The following CCSER1 variants were observed in gnomAD, a reference collection of about 807,000 sequenced individuals.
CCSER1 encodes the protein coiled-coil serine rich protein 1, also known as serine-rich coiled-coil domain-containing protein 1.
A neutral mutation model predicts 82.0 loss-of-function variants in CCSER1; 41 were observed. The ratio of observed to expected loss-of-function variants is 0.50; its 90% CI spans 0.39 to 0.65. CCSER1 has a LOEUF of 0.65. Ranked by LOEUF, CCSER1 falls within the 30% of genes least tolerant of loss-of-function variation. The probability of loss-of-function intolerance (pLI) is 0.00; values close to 1 mark genes in which losing one functional copy is unlikely to be tolerated. For synonymous variants in CCSER1, 414 were observed against 383.9 expected (o/e 1.08, Z -0.92); for missense variants, 1,119 against 1,064.2 (o/e 1.05, Z -0.72).
intron 10 of CCSER1, among the ~76,000 whole-genome samples, chr4:91,393,566 GT>G (rs1284750431): frequency 6.6e-6 from 1 of 151,986 alleles, no homozygotes; most frequent in African/African-American, 2.4e-5. Flanking sequence ...ATGGATATTC[GT>G]TGTCAATCTT....
intron 10 of CCSER1, among the ~76,000 whole-genome samples, chr4:91,271,012 T>G (rs1184058361): frequency 6.6e-6 from 1 of 152,226 alleles, no homozygotes; most frequent in Non-Finnish European, 1.5e-5. Flanking sequence ...GAACACTAAC[T>G]TATTCTTAAA....
intron 10 of CCSER1, among the ~76,000 whole-genome samples, chr4:91,585,656 T>A (rs1578858014): frequency 6.6e-6 from 1 of 151,542 alleles, no homozygotes; most frequent in East Asian, 1.9e-4. Context: ...GAGTTACCTG[T>A]CAGGTAAAAA....
rs180731172 is a variant in CCSER1, at chr4:90,626,488, A to G, written c.1725-1537A>G. 1.5e-4 allele frequency among the ~76,000 whole-genome samples: 23 copies of G among 152,338 alleles called. No homozygotes were observed. The East Asian group carries it at 3.7e-3, about 24-fold the overall frequency. ...GTATAGTTCGTTGCAATTAGACATAATATAATTAAATTGAATCAATCGTAT... is the reference window on the plus strand; with the variant it reads ...GTATAGTTCGTTGCAATTAGACATAGTATAATTAAATTGAATCAATCGTAT... On this transcript the variant is annotated intron_variant, in intron 5 of 10. Coordinates refer to ENST00000509176, the MANE Select transcript of CCSER1 (RefSeq NM_001145065.2).
intron 6 of CCSER1, among the ~76,000 whole-genome samples, chr4:90,657,349 T>A (rs1193730750): frequency 6.6e-6 from 1 of 152,168 alleles, no homozygotes; most frequent in African/African-American, 2.4e-5. Context: ...CCTTTTTCTT[T>A]GGCTTTTTGT....
chr4:91,472,597 A>G (rs909405189), intron 10 of CCSER1, among the ~76,000 whole-genome samples: 2 of 152,108 alleles, frequency 1.3e-5, no homozygotes, highest in African/African-American at 4.8e-5. Flanking sequence ...CTGGGTGAAA[A>G]TCTTTCTCTA....
intron 6 of CCSER1, among the ~76,000 whole-genome samples, chr4:90,686,470 T>G (rs2149206951): frequency 6.6e-6 from 1 of 152,072 alleles, no homozygotes; most frequent in South Asian, 2.1e-4. Context: ...TCTGCTTGCT[T>G]TATCTATGGC....
At chr4:91,420,276 A>C (rs1169116050) in intron 10 of CCSER1, among the ~76,000 whole-genome samples, 1 of 152,088 alleles carries the variant, frequency 6.6e-6, no homozygotes, top group Non-Finnish European at 1.5e-5. Context: ...ACAGGAGAAA[A>C]TATCTGCAAA....
intron 10 of CCSER1, among the ~76,000 whole-genome samples, chr4:91,111,472 A>G (rs1207414021): frequency 6.6e-6 from 1 of 152,064 alleles, no homozygotes; most frequent in Non-Finnish European, 1.5e-5. Flanking sequence ...TATGAGGACC[A>G]AGAAACTGTG....
At chr4:90,208,485 T>C (rs1373256914) in intron 1 of CCSER1, among the ~76,000 whole-genome samples, 1 of 151,550 alleles carries the variant, frequency 6.6e-6, no homozygotes, top group East Asian at 2.0e-4. Context: ...GCTCCCTGGC[T>C]TCAGCCCCTC....
rs548270767 is a variant in CCSER1 at position 90,767,756 on chromosome 4, C to G, written c.2010+43765C>G. 2.6e-5 allele frequency among the ~76,000 whole-genome samples: 4 copies of G among 152,204 alleles called. No homozygotes were observed. In the South Asian group the frequency reaches 8.3e-4, roughly 32 times the overall value. ...GTGGTGCTATCTCAGTTTGCTCCAT[C>G]TCCAGGGCTCAAGAAATTCTCCCAC... On this transcript the variant is annotated intron_variant, in intron 7 of 10. Transcript: ENST00000509176.
intron 10 of CCSER1, among the ~76,000 whole-genome samples, chr4:91,184,542 A>C (rs1394298410): frequency 6.6e-6 from 1 of 152,206 alleles, no homozygotes. Flanking sequence ...GGAGAATTCC[A>C]AGGGAAAATG....
At chr4:90,801,000 G>GA (rs1756732076) in intron 7 of CCSER1, among the ~76,000 whole-genome samples, 1 of 152,000 alleles carries the variant, frequency 6.6e-6, no homozygotes, top group Non-Finnish European at 1.5e-5. Flanking sequence ...TCAGTAAGAT[G>GA]GGCTACATTA....
chr4:90,960,854 G>A (rs1451532178), intron 9 of CCSER1, among the ~76,000 whole-genome samples: 3 of 152,164 alleles, frequency 2.0e-5, no homozygotes, highest in African/African-American at 7.2e-5. Flanking sequence ...TATATGTTAA[G>A]ACACTGCTAC....
intron 10 of CCSER1, among the ~76,000 whole-genome samples, chr4:91,221,963 A>G (rs925285108): frequency 4.6e-5 from 7 of 152,174 alleles, no homozygotes; most frequent in African/African-American, 1.4e-4. Context: ...GTGTTTTACT[A>G]TAACTGAATA....
chr4:90,517,663 T>G lies in CCSER1; in HGVS notation c.1724+49309T>G, dbSNP rs575821724. On this transcript the variant is annotated intron_variant, in intron 5 of 10. Coordinates refer to ENST00000509176, the MANE Select transcript of CCSER1 (RefSeq NM_001145065.2). Reference sequence around the variant, plus strand: ...TAAAGTTATGTAATCATGATATCATTTAAGCTAAGAGTGCATTGAGGGACT... The same window carrying G: ...TAAAGTTATGTAATCATGATATCATGTAAGCTAAGAGTGCATTGAGGGACT... Among the ~76,000 whole-genome samples the G allele has an allele frequency of 3.0e-4, 46 of 152,230 alleles. 1 individual carries two copies. In the South Asian group the frequency reaches 9.3e-3, roughly 31 times the overall value.
At chr4:90,534,678 A>G (rs1775089786) in intron 5 of CCSER1, among the ~76,000 whole-genome samples, 1 of 152,212 alleles carries the variant, frequency 6.6e-6, no homozygotes, top group African/African-American at 2.4e-5. Flanking sequence ...TTACTTTTAA[A>G]CAATTTAGGA....
At chr4:91,338,913 C>T (rs1032724156) in intron 10 of CCSER1, among the ~76,000 whole-genome samples, 3 of 152,110 alleles carry the variant, frequency 2.0e-5, no homozygotes, top group Non-Finnish European at 4.4e-5. Flanking sequence ...ACGTAGCAGT[C>T]TCTTGAAATA....
At chr4:90,915,887 C>T (rs1198344602) in intron 8 of CCSER1, among the ~76,000 whole-genome samples, 2 of 151,834 alleles carry the variant, frequency 1.3e-5, no homozygotes, top group African/African-American at 4.8e-5. Context: ...AACAGAGAGC[C>T]AAATCATGAG....
In CCSER1 at chr4:90,294,067, C is replaced by CT. The variant is rs397879564; in HGVS notation, c.-41-14170dup. Among the ~76,000 whole-genome samples the CT allele has an allele frequency of 5.6e-3, 846 of 152,078 alleles. 8 individuals are homozygous for CT. Among genetic ancestry groups the CT allele is most frequent in the African/African-American group, 0.02 (821 of 41,532 alleles). ...TTATTGTGTTGTTAAAATAAATTGACTTTTTTTCTAAGAGGCAGGAAATAG... is the reference window on the plus strand; with the variant it reads ...TTATTGTGTTGTTAAAATAAATTGACTTTTTTTTCTAAGAGGCAGGAAATAG... On this transcript the variant is annotated intron_variant, in intron 1 of 10. Coordinates refer to ENST00000509176, the MANE Select transcript of CCSER1 (RefSeq NM_001145065.2).
Sources: allele counts gnomAD v4.1 joint callset (sites outside exome capture counted in the v4.1 genomes callset), GRCh38; gene constraint gnomAD v4.1.1; transcripts MANE v1.5; gene names NCBI Gene and HGNC (gene_info 2026-07-23, HGNC 2026-07-21).